The following ROBO2 variants were observed in gnomAD, a reference collection of about 807,000 sequenced individuals.
The protein encoded by ROBO2 is roundabout homolog 2.
A neutral mutation model predicts 160.8 loss-of-function variants in ROBO2; 53 were observed. The observed-to-expected ratio is 0.33, with a 90% confidence interval of 0.26 to 0.41. ROBO2 has a LOEUF of 0.41. Ranked by LOEUF, ROBO2 falls within the 10% of genes least tolerant of loss-of-function variation. The pLI is 1.00. For missense variants in ROBO2, 1,577 were observed against 1,722.4 expected, an observed-to-expected ratio of 0.92 and a Z score of 1.49; for synonymous variants, 664 against 611.7, an observed-to-expected ratio of 1.09 and a Z score of -1.26.
intron 2 of ROBO2, among the ~76,000 whole-genome samples, chr3:76,926,603 A>T (rs547553505): frequency 2.6e-4 from 39 of 152,204 alleles, no homozygotes; most frequent in Admixed American, 1.7e-3. Flanking sequence ...CCATTTGACA[A>T]ACTTACCAGA....
chr3:77,205,166 C>G (rs1445137403), intron 2 of ROBO2, among the ~76,000 whole-genome samples: 1 of 152,136 alleles, frequency 6.6e-6, no homozygotes, highest in African/African-American at 2.4e-5. Context: ...GGGCAGAGGG[C>G]TAGTGTGACA....
intron 5 of ROBO2, among the ~76,000 whole-genome samples, chr3:77,513,040 A>T (rs13319996): frequency 0.79 from 120,515 of 151,818 alleles, 48,598 homozygotes; most frequent in African/African-American, 0.94. Context: ...TTTCCTTCCA[A>T]GAAAAACAAA....
At chr3:77,184,637 C>A (rs1378973474) in intron 2 of ROBO2, among the ~76,000 whole-genome samples, 2 of 151,772 alleles carry the variant, frequency 1.3e-5, no homozygotes, top group Admixed American at 1.3e-4. Flanking sequence ...ACAATGTGAG[C>A]AAAAGGTAAG....
chr3:75,977,085 T>C (rs1014239525), intron 2 of ROBO2, among the ~76,000 whole-genome samples: 3 of 151,602 alleles, frequency 2.0e-5, no homozygotes, highest in African/African-American at 7.3e-5. Flanking sequence ...CAAAATAATA[T>C]TTTTGTGCAT....
At chr3:76,112,983 A>G (rs959224015) in intron 2 of ROBO2, among the ~76,000 whole-genome samples, 2 of 152,100 alleles carry the variant, frequency 1.3e-5, no homozygotes, top group African/African-American at 4.8e-5. Flanking sequence ...TTCCTGTTGA[A>G]TAAATATATG....
chr3:76,903,409 A>C (rs1469465497), intron 2 of ROBO2, among the ~76,000 whole-genome samples: 1 of 152,034 alleles, frequency 6.6e-6, no homozygotes, highest in Non-Finnish European at 1.5e-5. Context: ...TTCTGCTGGG[A>C]GTCAATTGGA....
chr3:77,562,746 G>A lies in ROBO2; in HGVS notation c.1519+14G>A. The stretch of plus-strand genomic sequence containing the variant: ...TGGATGTGACAGGTGAGGACTTTGT[G>A]AATTAGGAGAAATCTTGGGCCCCTT... On this transcript the variant is annotated intron_variant, in intron 10 of 25. Transcript: ENST00000461745. The A allele has an allele frequency of 6.3e-7, 1 of 1,588,044 alleles. No homozygotes were observed. Among genetic ancestry groups the A allele is most frequent in the Non-Finnish European group, 8.6e-7 (1 of 1,156,960 alleles).
chr3:77,608,288 G>A (rs2094564187), intron 21 of ROBO2, among the ~76,000 whole-genome samples: 1 of 152,154 alleles, frequency 6.6e-6, no homozygotes, highest in South Asian at 2.1e-4. Flanking sequence ...GAGAAGGGCT[G>A]AAAAGGGAAT....
chr3:76,274,585 T>C (rs1392166405), intron 2 of ROBO2, among the ~76,000 whole-genome samples: 1 of 152,082 alleles, frequency 6.6e-6, no homozygotes, highest in Non-Finnish European at 1.5e-5. Context: ...ACACCTGTAA[T>C]TCCAGCACTT....
chr3:77,464,178 T>C (rs2082527684), intron 2 of ROBO2, among the ~76,000 whole-genome samples: 1 of 152,180 alleles, frequency 6.6e-6, no homozygotes. Context: ...AATAATTTAA[T>C]AATAAAAGTA....
chr3:77,311,894 C>A (rs1007830503), intron 2 of ROBO2, among the ~76,000 whole-genome samples: 1 of 152,076 alleles, frequency 6.6e-6, no homozygotes, highest in African/African-American at 2.4e-5. Flanking sequence ...GGAGACTAGA[C>A]AGACCAACAA....
intron 2 of ROBO2, among the ~76,000 whole-genome samples, chr3:76,073,417 G>A (rs1375286230): frequency 6.7e-6 from 1 of 149,928 alleles, no homozygotes; most frequent in Non-Finnish European, 1.5e-5. Context: ...CTCAGCCTCC[G>A]GAGTAGCTGG....
chr3:77,573,214 G>A (rs1302106855), intron 13 of ROBO2, among the ~76,000 whole-genome samples: 1 of 151,820 alleles, frequency 6.6e-6, no homozygotes, highest in Non-Finnish European at 1.5e-5. Context: ...ACATGACAAA[G>A]TATTAAAAGA....
chr3:76,072,218 A>G (rs9824924), intron 2 of ROBO2, among the ~76,000 whole-genome samples: 95,233 of 151,598 alleles, frequency 0.63, 30,555 homozygotes, highest in Middle Eastern at 0.76. Flanking sequence ...GAGGCTGGAT[A>G]GTAGACTTTC....
chr3:77,438,222 T>G, intron 2 of ROBO2, among the ~76,000 whole-genome samples: 1 of 150,904 alleles, frequency 6.6e-6, no homozygotes, highest in East Asian at 1.9e-4. Flanking sequence ...CATAGATAGA[T>G]AGATTGATTG....
At chr3:76,608,291 G>C (rs1327920864) in intron 2 of ROBO2, among the ~76,000 whole-genome samples, 1 of 152,158 alleles carries the variant, frequency 6.6e-6, no homozygotes, top group Non-Finnish European at 1.5e-5. Context: ...CATTCTGTCA[G>C]CCTTACTATA....
At chr3:76,534,476 T>G (rs945573765) in intron 2 of ROBO2, among the ~76,000 whole-genome samples, 2 of 152,116 alleles carry the variant, frequency 1.3e-5, no homozygotes, top group African/African-American at 2.4e-5. Context: ...CCATTTACCA[T>G]AGGTGTGAGT....
chr3:77,137,234 A>AT (rs907315980), intron 2 of ROBO2, among the ~76,000 whole-genome samples: 17 of 151,146 alleles, frequency 1.1e-4, no homozygotes, highest in African/African-American at 2.7e-4. Context: ...TTTGATGATT[A>AT]TTTTTTTTTG....
At chr3:76,855,301 C>A (rs1056002385) in intron 2 of ROBO2, among the ~76,000 whole-genome samples, 2 of 152,086 alleles carry the variant, frequency 1.3e-5, no homozygotes, top group Non-Finnish European at 2.9e-5. Context: ...AATTGATGTT[C>A]AAGGAGTGGG....
Sources: gnomAD v4.1 joint callset for allele counts (sites outside exome capture counted in the v4.1 genomes callset) on GRCh38, gnomAD v4.1.1 for gene constraint, MANE v1.5 for transcripts, NCBI Gene and HGNC (gene_info 2026-07-23, HGNC 2026-07-21) for gene names.